Variants in PDIA3 observed in about 807,000 individuals in gnomAD.
PDIA3 encodes protein disulfide isomerase family A member 3.
PDIA3 carries 16 observed loss-of-function variants against 56.9 expected under a neutral mutation model. The observed-to-expected ratio is 0.28, with a 90% CI of 0.19 to 0.43. PDIA3 has a LOEUF of 0.43. PDIA3 is among the 20% of genes least tolerant of loss of function. The probability of loss-of-function intolerance (pLI) is 1.00; values close to 1 mark genes in which losing one functional copy is unlikely to be tolerated. For synonymous variants in PDIA3, 192 were observed against 216.5 expected (o/e 0.89, Z 0.99); for missense variants, 485 against 621.3 (o/e 0.78, Z 2.33).
In PDIA3 at chr15:43,771,095, C is replaced by G; in HGVS notation, c.1405-10C>G. 2 of 1,582,668 alleles carry G rather than the reference C, an allele frequency of 1.3e-6. No homozygotes were observed. Among genetic ancestry groups the G allele is most frequent in the Non-Finnish European group, 1.7e-6 (2 of 1,153,142 alleles). On this transcript the variant is annotated splice_polypyrimidine_tract_variant and intron_variant, in intron 12 of 12. Coordinates refer to ENST00000300289, the MANE Select transcript of PDIA3 (RefSeq NM_005313.5). ...AAGTTACACTTTTAAGCTGATCTTTCTGTTTTCAGGGTGGCCGTGAATTAA... is the reference window on the plus strand; with the variant it reads ...AAGTTACACTTTTAAGCTGATCTTTGTGTTTTCAGGGTGGCCGTGAATTAA...
chr15:43,761,274 A>C (rs2086814342), intron 3 of PDIA3, 150 bp from the exon 4 acceptor site: 8 of 479,604 alleles, frequency 1.7e-5, no homozygotes, highest in Middle Eastern at 5.5e-4. Context: ...GAAATCTTAC[A>C]AGGAGGAAAC....
chr15:43,767,769 C>CAAAAAAAAAAAAAA (rs11294471), intron 8 of PDIA3, among the ~76,000 whole-genome samples: 2 of 73,470 alleles, frequency 2.7e-5, no homozygotes, highest in African/African-American at 5.3e-5. Flanking sequence ...GACTCTGTCT[C>CAAAAAAAAAAAAAA]AAAAAAAAAA....
At position 43,765,434 on chromosome 15, in the gene PDIA3, CTTT is replaced by C; in HGVS notation, c.603-6_603-4del. 2.5e-6 allele frequency: 3 copies of C among 1,185,596 alleles called. No individual in the cohort carries two copies. Among genetic ancestry groups the C allele is most frequent in the South Asian group, 1.4e-5 (1 of 72,984 alleles). The allele number at this position is 1,185,596 out of a possible 1,614,324, so 73.4% of individuals were successfully genotyped here. A position where few individuals can be genotyped will look rare whatever the true frequency, so the allele number is the denominator to read the frequency against. The stretch of plus-strand genomic sequence containing the variant: ...CTGCTATCTGCCTACTGAGACTTTT[CTTT>C]TTTTTTTTTAAGGGGTATCATCTTA... On this transcript the variant is annotated splice_polypyrimidine_tract_variant and intron_variant, in intron 5 of 12. Transcript: ENST00000300289.
chr15:43,772,151 C>A lies in PDIA3; in HGVS notation c.*933C>A, dbSNP rs1486772941. 2 of 152,442 alleles carry A rather than the reference C, an allele frequency of 1.3e-5. No individual in the cohort carries two copies. Among genetic ancestry groups the A allele is most frequent in the Non-Finnish European group, 2.9e-5 (2 of 68,198 alleles). The allele number at this position is 152,442 out of a possible 1,614,324, so 9.4% of individuals were successfully genotyped here. On this transcript the variant is annotated 3_prime_UTR_variant, in exon 13 of 13. Coordinates refer to ENST00000300289, the MANE Select transcript of PDIA3 (RefSeq NM_005313.5). ...TAGTTATGAGTGAAGCATCCACTTT[C>A]TTTTGTAACAATGAGGAACAGAAAG...
At chr15:43,750,752 G>T (rs1195775201) in intron 1 of PDIA3, among the ~76,000 whole-genome samples, 1 of 151,462 alleles carries the variant, frequency 6.6e-6, no homozygotes, top group East Asian at 2.0e-4. Context: ...TCCAGCCTGG[G>T]CGACAGCGAG....
intron 7 of PDIA3, 29 bp from the exon 8 acceptor site, chr15:43,766,699 T>C: frequency 6.2e-7 from 1 of 1,606,164 alleles, no homozygotes; most frequent in Non-Finnish European, 8.5e-7. Flanking sequence ...CTGTATAGTC[T>C]TGGCACAAAT....
intron 11 of PDIA3, 97 bp downstream of exon 11, chr15:43,770,426 C>A: frequency 7.5e-7 from 1 of 1,341,224 alleles, no homozygotes; most frequent in South Asian, 1.2e-5. Flanking sequence ...TTTTCATATT[C>A]AGTTGAAGGC....
At chr15:43,750,939 C>G (rs1362709290) in intron 1 of PDIA3, among the ~76,000 whole-genome samples, 1 of 151,870 alleles carries the variant, frequency 6.6e-6, no homozygotes, top group Non-Finnish European at 1.5e-5. Flanking sequence ...TGAGACTAGC[C>G]TGGCCAACAT....
At chr15:43,760,140 C>G (rs554254482) in intron 3 of PDIA3, among the ~76,000 whole-genome samples, 1 of 152,038 alleles carries the variant, frequency 6.6e-6, no homozygotes, top group Admixed American at 6.6e-5. Flanking sequence ...CCTGAAATCC[C>G]AGCACTTTGG....
At chr15:43,759,360 T>C (rs1057115702) in intron 3 of PDIA3, among the ~76,000 whole-genome samples, 9 of 152,222 alleles carry the variant, frequency 5.9e-5, no homozygotes, top group African/African-American at 2.2e-4. Flanking sequence ...CTTCTGAGTA[T>C]ACATTTAGTT....
intron 5 of PDIA3, among the ~76,000 whole-genome samples, chr15:43,763,434 G>A (rs2086829823): frequency 6.6e-6 from 1 of 152,152 alleles, no homozygotes; most frequent in African/African-American, 2.4e-5. Context: ...TGTATTTTTA[G>A]TAGAGACAGG....
chr15:43,756,282 T>A (rs1413904239), intron 2 of PDIA3, among the ~76,000 whole-genome samples: 5 of 152,208 alleles, frequency 3.3e-5, no homozygotes, highest in Admixed American at 3.3e-4. Flanking sequence ...ATATATCCCC[T>A]TGGTGATAGT....
chr15:43,750,719 A>T (rs918009328), intron 1 of PDIA3, among the ~76,000 whole-genome samples: 2 of 150,628 alleles, frequency 1.3e-5, no homozygotes, highest in Non-Finnish European at 3.0e-5. Flanking sequence ...AGCTTGCAGT[A>T]AGCCAAGATC....
intron 1 of PDIA3, among the ~76,000 whole-genome samples, chr15:43,750,240 T>C (rs2086735229): frequency 6.8e-6 from 1 of 146,282 alleles, no homozygotes; most frequent in Non-Finnish European, 1.5e-5. Flanking sequence ...GGTCTTGAAC[T>C]CCTGACTTCA....
At chr15:43,749,192 C>T (rs1299694092) in intron 1 of PDIA3, among the ~76,000 whole-genome samples, 1 of 152,050 alleles carries the variant, frequency 6.6e-6, no homozygotes, top group Non-Finnish European at 1.5e-5. Flanking sequence ...CTCCCGTGTT[C>T]AAGTGATTCT....
chr15:43,761,404 CT>C lies in PDIA3; in HGVS notation c.365-16del. ...TTATAAATAAGTTGTGTTGTCATAA[CT>C]TTTATTTTGACTTCTAAGATGGAAT... On this transcript the variant is annotated intron_variant, in intron 3 of 12. Coordinates refer to ENST00000300289, the MANE Select transcript of PDIA3 (RefSeq NM_005313.5). 1 of 1,360,910 alleles carries C rather than the reference CT, an allele frequency of 7.3e-7. No individual in the cohort carries two copies. The highest frequency in any genetic ancestry group is 1.0e-6 in the Non-Finnish European group (1 of 961,100). The allele number at this position is 1,360,910 out of a possible 1,614,324, so 84.3% of individuals were successfully genotyped here. A position where few individuals can be genotyped will look rare whatever the true frequency, so the allele number is the denominator to read the frequency against.
intron 1 of PDIA3, among the ~76,000 whole-genome samples, chr15:43,751,098 C>G (rs1420684186): frequency 6.7e-6 from 1 of 148,616 alleles, no homozygotes; most frequent in African/African-American, 2.5e-5. Context: ...TGCCACTGGA[C>G]TCCAGCCTGA....
At chr15:43,757,842 A>G (rs918769802) in intron 3 of PDIA3, among the ~76,000 whole-genome samples, 12 of 151,804 alleles carry the variant, frequency 7.9e-5, no homozygotes, top group African/African-American at 2.9e-4. Flanking sequence ...AGCCTGGGCA[A>G]CAGAGCGAGA....
At chr15:43,757,522 C>T (rs566568445) in intron 3 of PDIA3, among the ~76,000 whole-genome samples, 1 of 149,042 alleles carries the variant, frequency 6.7e-6, no homozygotes, top group Admixed American at 6.7e-5. Context: ...CGCGCCACTG[C>T]ACTCCAACAT....
Sources: gnomAD v4.1 joint callset for allele counts (sites outside exome capture counted in the v4.1 genomes callset) on GRCh38, gnomAD v4.1.1 for gene constraint, MANE v1.5 for transcripts, NCBI Gene and HGNC (gene_info 2026-07-23, HGNC 2026-07-21) for gene names.